The following CDH9 variants were observed in gnomAD, a reference collection of about 807,000 sequenced individuals.
CDH9 encodes the protein cadherin 9.
CDH9 carries 28 observed loss-of-function variants against 70.9 expected under a neutral mutation model. The observed-to-expected ratio is 0.40, with a 90% confidence interval of 0.29 to 0.54. CDH9 has a LOEUF of 0.54. Among genes scored for constraint, CDH9 ranks in the 20% least tolerant of loss-of-function variants. The pLI, the probability that CDH9 is intolerant of heterozygous loss-of-function variation, is 0.59. For missense variants in CDH9, 874 were observed against 984.4 expected (o/e 0.89, Z 1.50); for synonymous variants, 409 against 343.1 (o/e 1.19, Z -2.12).
At chr5:26,939,567 A>G (rs1449944122) in intron 2 of CDH9, among the ~76,000 whole-genome samples, 1 of 151,930 alleles carries the variant, frequency 6.6e-6, no homozygotes, top group Admixed American at 6.6e-5. Flanking sequence ...AATAATAGAA[A>G]TATTAACTCC....
chr5:26,957,789 A>AG (rs1561018051), intron 2 of CDH9, among the ~76,000 whole-genome samples: 1 of 152,210 alleles, frequency 6.6e-6, no homozygotes, highest in Non-Finnish European at 1.5e-5. Flanking sequence ...ATAAAAATGT[A>AG]TGCTTTCTTT....
At chr5:27,002,962 C>CA (rs935176355) in intron 1 of CDH9, among the ~76,000 whole-genome samples, 9 of 151,052 alleles carry the variant, frequency 6.0e-5, no homozygotes, top group African/African-American at 1.5e-4. Context: ...AATAAAAAGA[C>CA]AAAAAAAAGA....
intron 2 of CDH9, among the ~76,000 whole-genome samples, chr5:26,953,749 T>G (rs1297803401): frequency 1.3e-5 from 2 of 152,128 alleles, no homozygotes; most frequent in African/African-American, 4.8e-5. Context: ...TTCTAACATT[T>G]AAGTGCAAGC....
At chr5:26,895,615 T>C (rs187032755) in intron 7 of CDH9, among the ~76,000 whole-genome samples, 3 of 152,188 alleles carry the variant, frequency 2.0e-5, no homozygotes, top group Non-Finnish European at 2.9e-5. Flanking sequence ...CTTGTAAAGC[T>C]ATAATCAACC....
At chr5:26,892,770 G>A (rs1007503729) in intron 7 of CDH9, among the ~76,000 whole-genome samples, 1 of 151,700 alleles carries the variant, frequency 6.6e-6, no homozygotes, top group Non-Finnish European at 1.5e-5. Context: ...TCACTCTCTC[G>A]CCCAGGCTGC....
intron 2 of CDH9, among the ~76,000 whole-genome samples, chr5:26,933,559 A>G (rs543772793): frequency 6.6e-6 from 1 of 151,982 alleles, no homozygotes; most frequent in South Asian, 2.1e-4. Context: ...GGTGGATCAC[A>G]AGTCAAGAGA....
At chr5:26,928,355 A>C (rs9293250) in intron 2 of CDH9, among the ~76,000 whole-genome samples, 14,568 of 152,108 alleles carry the variant, frequency 0.096, 875 homozygotes, top group East Asian at 0.17. Flanking sequence ...AGGATGCAAT[A>C]AAATAGAAAG....
intron 2 of CDH9, among the ~76,000 whole-genome samples, chr5:26,937,491 A>C (rs951756439): frequency 6.6e-6 from 1 of 152,148 alleles, no homozygotes; most frequent in African/African-American, 2.4e-5. Flanking sequence ...CAGTCACAGC[A>C]TATGATCTAG....
intron 2 of CDH9, among the ~76,000 whole-genome samples, chr5:26,935,395 C>T (rs959627744): frequency 6.6e-6 from 1 of 152,024 alleles, no homozygotes; most frequent in Non-Finnish European, 1.5e-5. Context: ...AATGCCATAA[C>T]ACAAGAAAGG....
chr5:26,969,045 T>C (rs1377668219), intron 2 of CDH9, among the ~76,000 whole-genome samples: 2 of 152,158 alleles, frequency 1.3e-5, no homozygotes, highest in Admixed American at 6.5e-5. Context: ...CTAAACAATT[T>C]GTCTCAGAAA....
At chr5:27,028,064 T>C (rs928656784) in intron 1 of CDH9, among the ~76,000 whole-genome samples, 6 of 152,014 alleles carry the variant, frequency 3.9e-5, no homozygotes, top group Non-Finnish European at 8.8e-5. Flanking sequence ...TATAGGGCAG[T>C]AGCCCTCAGG....
At chr5:27,027,268 T>C (rs2112131732) in intron 1 of CDH9, among the ~76,000 whole-genome samples, 1 of 152,134 alleles carries the variant, frequency 6.6e-6, no homozygotes, top group South Asian at 2.1e-4. Context: ...GTATTTCCAT[T>C]GTGTGCTATG....
intron 3 of CDH9, among the ~76,000 whole-genome samples, chr5:26,913,408 G>C (rs1424395757): frequency 6.6e-6 from 1 of 152,022 alleles, no homozygotes; most frequent in African/African-American, 2.4e-5. Context: ...TCTACAAATA[G>C]GATTAAAATT....
intron 1 of CDH9, among the ~76,000 whole-genome samples, chr5:27,008,936 T>G (rs1010392412): frequency 6.6e-6 from 1 of 152,206 alleles, no homozygotes; most frequent in Non-Finnish European, 1.5e-5. Flanking sequence ...TTGACACTCA[T>G]GGATTCCAGT....
chr5:26,933,155 T>A (rs891938040), intron 2 of CDH9, among the ~76,000 whole-genome samples: 2 of 147,608 alleles, frequency 1.4e-5, no homozygotes, highest in African/African-American at 2.5e-5. Flanking sequence ...TGAATATATA[T>A]AATTAATAAA....
Position 26,903,684 on chromosome 5 carries a change from C to G in CDH9, c.952G>C (p.Val318Leu), listed in dbSNP as rs200483716. ...AEGDGADMFD[V>L]ITDKDTQEGI... ...TCCTGTGTATCCTTGTCAGTGATGA[C>G]ATCGAACATGTCTGCACCATCTCCT... Residue 318 changes from valine to leucine, a missense_variant, in exon 6 of 12, where the codon GTC becomes CTC. Physicochemically the swap from Val to Leu is conservative, Grantham distance 32. Transcript: ENST00000231021. The G allele has an allele frequency of 4.2e-5, 68 of 1,611,212 alleles. 1 individual carries two copies. The East Asian group carries it at 1.5e-3, about 36-fold the overall frequency.
chr5:26,881,378 T>C lies in CDH9; in HGVS notation c.2128A>G (p.Ile710Val), dbSNP rs1342778232. ...IRRTVPLWEN[I>V]DVQDFIHRRL... ...CGATGGATAAAATCTTGTACATCAA[T>C]ATTTTCCCACAGAGGCACAGTCCTC... The change falls in exon 12 of 12, where the codon ATT becomes GTT. Residue 710 changes from isoleucine (I) to valine (V), a missense_variant. Physicochemically the swap from Ile to Val is conservative, Grantham distance 29. Coordinates refer to ENST00000231021, the MANE Select transcript of CDH9 (RefSeq NM_016279.4). 1 of 1,613,052 alleles carries C rather than the reference T, an allele frequency of 6.2e-7. No individual in the cohort carries two copies. The highest frequency in any genetic ancestry group is 1.3e-5 in the African/African-American group (1 of 74,974).
At chr5:26,935,749 A>G (rs1464970162) in intron 2 of CDH9, among the ~76,000 whole-genome samples, 2 of 152,078 alleles carry the variant, frequency 1.3e-5, no homozygotes, top group African/African-American at 2.4e-5. Context: ...CAATCCCACT[A>G]CTGGGTATCT....
chr5:26,910,774 C>T (rs767872803), intron 3 of CDH9, among the ~76,000 whole-genome samples: 18 of 152,112 alleles, frequency 1.2e-4, no homozygotes, highest in Admixed American at 2.6e-4. Flanking sequence ...AAGTGAAAAA[C>T]GAGTTTAGTC....
Sources: allele counts gnomAD v4.1 joint callset (sites outside exome capture counted in the v4.1 genomes callset), GRCh38; gene constraint gnomAD v4.1.1; transcripts MANE v1.5; gene names NCBI Gene and HGNC (gene_info 2026-07-23, HGNC 2026-07-21).